The following SYCP1 variants were observed in gnomAD, a reference collection of about 807,000 sequenced individuals.
SYCP1 encodes the protein cancer/testis antigen 8.
A neutral mutation model predicts 153.1 loss-of-function variants in SYCP1; 64 were observed. The ratio of observed to expected loss-of-function variants is 0.42; its 90% CI spans 0.34 to 0.51. The LOEUF is 0.51. Among genes scored for constraint, SYCP1 ranks in the 20% least tolerant of loss-of-function variants. The pLI, the probability that SYCP1 is intolerant of heterozygous loss-of-function variation, is 0.06. For missense variants in SYCP1, 997 were observed against 1,049.0 expected (o/e 0.95, Z 0.68); for synonymous variants, 384 against 341.8 (o/e 1.12, Z -1.36).
Position 114,947,304 on chromosome 1 carries a change from T to C in SYCP1, c.2306T>C (p.Ile769Thr). 2 of 1,612,872 alleles carry C rather than the reference T, an allele frequency of 1.2e-6. No individual in the cohort carries two copies. The highest frequency in any genetic ancestry group is 2.2e-5 in the East Asian group (1 of 44,724). ...TTGTCTGTTAAGAAGCAACTTGAAA[T>C]AGAAAGAGAAGAGAAGGTAGGTTTT... The part of the protein sequence containing the change: ...ELLSVKKQLE[I>T]EREEKEKLKR... Residue 769 changes from isoleucine (I) to threonine (T), a missense_variant, in exon 27 of 32, where the codon ATA (isoleucine) becomes ACA (threonine). Physicochemically the swap from Ile to Thr is moderately conservative, Grantham distance 89 (BLOSUM62 -1). Around this residue, in one of 2 missense-constraint regions of SYCP1, gnomAD observed 712 missense variants for 682.9 expected, o/e 1.04. Transcript: ENST00000369522.
At chr1:114,971,704 G>A (rs1298487595) in intron 27 of SYCP1, among the ~76,000 whole-genome samples, 2 of 152,022 alleles carry the variant, frequency 1.3e-5, no homozygotes. Context: ...CATATGGTTT[G>A]ATATGATATA....
intron 27 of SYCP1, among the ~76,000 whole-genome samples, chr1:114,963,166 G>A (rs1671887532): frequency 2.0e-5 from 3 of 152,036 alleles, no homozygotes; most frequent in South Asian, 2.1e-4. Context: ...GATCTTTTGC[G>A]ATGAATTTCC....
intron 6 of SYCP1, 119 bp downstream of exon 6, chr1:114,858,830 G>A (rs542141954): frequency 4.5e-4 from 400 of 893,880 alleles, no homozygotes; most frequent in Non-Finnish European, 6.3e-4. Flanking sequence ...AATATTTTAA[G>A]GATAATGCTT....
intron 15 of SYCP1, among the ~76,000 whole-genome samples, chr1:114,894,073 C>T (rs568437087): frequency 6.3e-4 from 90 of 142,178 alleles, no homozygotes; most frequent in African/African-American, 2.2e-3. Context: ...ACTTTTTTTT[C>T]TAATTTTGTG....
chr1:114,965,815 G>A (rs1182824615), intron 27 of SYCP1, among the ~76,000 whole-genome samples: 1 of 152,016 alleles, frequency 6.6e-6, no homozygotes, highest in Admixed American at 6.6e-5. Context: ...TTCCTTTTTT[G>A]TTGTGTCTCT....
chr1:114,878,653 C>A (rs2101489303), intron 12 of SYCP1, among the ~76,000 whole-genome samples: 1 of 152,282 alleles, frequency 6.6e-6, no homozygotes, highest in South Asian at 2.1e-4. Context: ...AAGCGATTCT[C>A]CTGCCTGAGC....
intron 30 of SYCP1, among the ~76,000 whole-genome samples, chr1:114,993,926 C>T (rs956941191): frequency 4.6e-5 from 7 of 150,870 alleles, no homozygotes; most frequent in African/African-American, 1.7e-4. Flanking sequence ...TACTTTCTGT[C>T]TCTATGATTT....
intron 27 of SYCP1, among the ~76,000 whole-genome samples, chr1:114,965,073 C>T (rs1049768716): frequency 3.3e-5 from 5 of 152,076 alleles, no homozygotes; most frequent in African/African-American, 9.7e-5. Flanking sequence ...TGAAGAGGTC[C>T]TTCACATCCC....
chr1:114,930,465 GA>G (rs766161803), intron 23 of SYCP1, among the ~76,000 whole-genome samples: 12 of 152,042 alleles, frequency 7.9e-5, no homozygotes, highest in Non-Finnish European at 1.6e-4. Context: ...AGGCAAGAAT[GA>G]AAGAGTACAT....
chr1:114,961,860 G>A (rs1417211068), intron 27 of SYCP1, among the ~76,000 whole-genome samples: 1 of 151,938 alleles, frequency 6.6e-6, no homozygotes, highest in African/African-American at 2.4e-5. Context: ...AAGTGCATCT[G>A]TTCCAGGGTA....
intron 20 of SYCP1, among the ~76,000 whole-genome samples, chr1:114,920,907 G>T (rs1668823243): frequency 6.6e-6 from 1 of 152,070 alleles, no homozygotes; most frequent in Non-Finnish European, 1.5e-5. Context: ...GCAACAGCCT[G>T]TTGGGTCTTG....
chr1:114,882,682 GA>G (rs34886600), intron 12 of SYCP1, among the ~76,000 whole-genome samples: 3 of 150,738 alleles, frequency 2.0e-5, no homozygotes, highest in African/African-American at 7.3e-5. Context: ...TTTTTTACTT[GA>G]AAAAAAAGAT....
chr1:114,943,229 C>T (rs80177548), intron 23 of SYCP1, among the ~76,000 whole-genome samples: 185 of 151,898 alleles, frequency 1.2e-3, no homozygotes, highest in African/African-American at 4.0e-3. Context: ...CCCTATGACC[C>T]GGCAATTCCA....
chr1:114,923,688 G>A, intron 21 of SYCP1, 158 bp downstream of exon 21: 2 of 676,202 alleles, frequency 3.0e-6, no homozygotes. Flanking sequence ...AGGAAAGGTT[G>A]GATTATTTTA....
At chr1:114,913,888 T>C in intron 19 of SYCP1, 87 bp from the exon 20 acceptor site, 1 of 975,622 alleles carries the variant, frequency 1.0e-6, no homozygotes, top group Non-Finnish European at 1.5e-6. Context: ...ATAAATTTTA[T>C]GCTGATAGAT....
At chr1:114,905,032 C>A (rs1057063522) in intron 16 of SYCP1, among the ~76,000 whole-genome samples, 1 of 152,098 alleles carries the variant, frequency 6.6e-6, no homozygotes, top group Admixed American at 6.6e-5. Flanking sequence ...GGATAAACCC[C>A]ATTTGGTGTT....
At chr1:114,855,649 G>T in intron 2 of SYCP1, 77 bp downstream of exon 2, 1 of 1,174,808 alleles carries the variant, frequency 8.5e-7, no homozygotes. Flanking sequence ...TCTTCCTGGT[G>T]GTGTTTTATA....
intron 15 of SYCP1, among the ~76,000 whole-genome samples, chr1:114,894,235 T>G (rs949347082): frequency 6.6e-6 from 1 of 152,134 alleles, no homozygotes; most frequent in Non-Finnish European, 1.5e-5. Context: ...GATTCTATAT[T>G]GACATTTTAT....
chr1:114,980,485 T>A (rs1028008688), intron 28 of SYCP1, among the ~76,000 whole-genome samples: 7 of 151,932 alleles, frequency 4.6e-5, no homozygotes, highest in Admixed American at 6.6e-5. Context: ...TTTTTTTCCC[T>A]GAAAATTTTT....
Sources: gnomAD v4.1 joint callset for allele counts (sites outside exome capture counted in the v4.1 genomes callset) on GRCh38, gnomAD v4.1.1 for gene constraint, gnomAD v4.1.1 regional missense constraint, MANE v1.5 for transcripts, NCBI Gene and HGNC (gene_info 2026-07-23, HGNC 2026-07-21) for gene names.